The following C6orf118 variants were observed in gnomAD, a reference collection of about 807,000 sequenced individuals.
C6orf118 encodes the protein uncharacterized protein C6orf118.
Under a neutral mutation model 50.2 loss-of-function variants are expected in C6orf118, and 50 were observed. That is an observed-to-expected ratio of 1.00 (90% CI 0.79 to 1.26). The LOEUF (loss-of-function observed/expected upper bound fraction) is 1.26. Ranked by LOEUF, C6orf118 falls within the 50% of genes most tolerant of loss-of-function variation. The pLI, the probability that C6orf118 is intolerant of heterozygous loss-of-function variation, is 0.00. For missense variants in C6orf118, 641 were observed against 578.7 expected (o/e 1.11, Z -1.10); for synonymous variants, 239 against 230.9 (o/e 1.03, Z -0.32).
chr6:165,289,693 T>C (rs1227004183), intron 7 of C6orf118, among the ~76,000 whole-genome samples, 193 bp downstream of exon 7: 4 of 152,154 alleles, frequency 2.6e-5, no homozygotes, highest in Admixed American at 1.3e-4. Flanking sequence ...TTTTTATCAC[T>C]TTCCTTTTTT....
In C6orf118 at chr6:165,301,594, G is replaced by A. The variant is rs757080711; in HGVS notation, c.728C>T (p.Ala243Val). The change falls in exon 2 of 9, where the codon GCG (alanine) becomes GTG (valine). Residue 243 changes from alanine to valine, a missense_variant. By Grantham distance (64) the Ala-to-Val change is moderately conservative. Transcript: ENST00000230301. Reference sequence around the variant, plus strand: ...CTGCTGCAGCTTTCTCTCGTGGCCCGCGGCCGCCTTGCTCCCAGTGAAGTC... The same window carrying A: ...CTGCTGCAGCTTTCTCTCGTGGCCCACGGCCGCCTTGCTCCCAGTGAAGTC... ...KNDFTGSKAA[A>V]GHERKLQQEL... 2.5e-6 allele frequency: 4 copies of A among 1,613,262 alleles called. No homozygotes were observed. The highest frequency in any genetic ancestry group is 2.2e-5 in the South Asian group (2 of 91,024).
intron 4 of C6orf118, 95 bp from the exon 5 acceptor site, chr6:165,298,196 C>T (rs1780385399): frequency 2.1e-6 from 3 of 1,428,744 alleles, no homozygotes; most frequent in Non-Finnish European, 2.8e-6. Context: ...TCAAGGTGCC[C>T]TGGGTTAACA....
rs56394079 is a variant in C6orf118 at position 165,296,250 on chromosome 6, G to GT, written c.1061+1726dup. Among the ~76,000 whole-genome samples, 310 of 103,244 alleles carry GT rather than the reference G, an allele frequency of 3.0e-3. 16 individuals carry two copies. Among genetic ancestry groups the GT allele is most frequent in the African/African-American group, 4.1e-3 (126 of 30,766 alleles). The allele number at this position is 103,244 out of a possible 152,430, so 67.7% of individuals were successfully genotyped here. Reference sequence around the variant, plus strand: ...GTTGTTGTTGTTGTTTTCGTTTTTTGTTTTTTTTTTTTTTTTTTTTTTTTT... The same window carrying GT: ...GTTGTTGTTGTTGTTTTCGTTTTTTGTTTTTTTTTTTTTTTTTTTTTTTTTT... On this transcript the variant is annotated intron_variant, in intron 5 of 8. Transcript: ENST00000230301.
intron 5 of C6orf118, among the ~76,000 whole-genome samples, chr6:165,297,140 G>C (rs1232871318): frequency 2.0e-5 from 3 of 152,126 alleles, no homozygotes; most frequent in Non-Finnish European, 4.4e-5. Flanking sequence ...CAAATTGGAG[G>C]CCAGGTGTGG....
At chr6:165,298,315 T>A (rs1780389434) in intron 4 of C6orf118, among the ~76,000 whole-genome samples, 1 of 152,172 alleles carries the variant, frequency 6.6e-6, no homozygotes, top group South Asian at 2.1e-4. Flanking sequence ...TTTTTCAATA[T>A]GTTAAAAGTT....
chr6:165,305,016 T>G (rs1191922471), intron 1 of C6orf118, among the ~76,000 whole-genome samples: 2 of 78,950 alleles, frequency 2.5e-5, no homozygotes, highest in Non-Finnish European at 2.3e-5. Context: ...CATCACCAAG[T>G]CAATCCTAAG....
intron 7 of C6orf118, among the ~76,000 whole-genome samples, chr6:165,287,678 T>A (rs1779960587): frequency 6.6e-6 from 1 of 152,106 alleles, no homozygotes; most frequent in African/African-American, 2.4e-5. Flanking sequence ...AAACAAGCAA[T>A]GGGGAAAGGA....
chr6:165,280,615 T>TTGGCCCA (rs1406966269), intron 8 of C6orf118, among the ~76,000 whole-genome samples: 42 of 152,190 alleles, frequency 2.8e-4, no homozygotes, highest in Admixed American at 1.8e-3. Flanking sequence ...GAGAGTGACC[T>TTGGCCCA]TGGCCCATGG....
intron 8 of C6orf118, among the ~76,000 whole-genome samples, chr6:165,280,875 C>A (rs1341388933): frequency 6.6e-6 from 1 of 152,128 alleles, no homozygotes; most frequent in Non-Finnish European, 1.5e-5. Flanking sequence ...TCATTGAGCC[C>A]AAGCCACCTA....
chr6:165,300,378 A>G lies in C6orf118; in HGVS notation c.862T>C (p.Leu288=). 6.2e-7 allele frequency: 1 copy of G among 1,613,958 alleles called. No individual in the cohort carries two copies. ...ATGTTTCTTACCTTAACTTTTTTCA[A>G]GAGATCACCAAATATCAAAGAACTG... ...CNSSLIFGDL[L]KKVKDEYELY... Residue 288 remains leucine, a synonymous_variant, in exon 3 of 9, where the codon TTG becomes CTG. Coordinates refer to ENST00000230301, the MANE Select transcript of C6orf118 (RefSeq NM_144980.4).
At chr6:165,309,503 C>T (rs1780865082) in intron 1 of C6orf118, 59 bp downstream of exon 1, 2 of 1,602,678 alleles carry the variant, frequency 1.2e-6, no homozygotes, top group Admixed American at 1.7e-5. Context: ...GCCCATCCCT[C>T]CACAATTGAA....
intron 1 of C6orf118, among the ~76,000 whole-genome samples, 166 bp from the exon 2 acceptor site, chr6:165,302,462 C>T (rs923603209): frequency 1.8e-4 from 27 of 152,266 alleles, no homozygotes; most frequent in Admixed American, 4.6e-4. Context: ...CACCCGTGCC[C>T]GGCCCAGTGT....
In C6orf118 at chr6:165,279,937, A is replaced by C; in HGVS notation, c.*120T>G. On this transcript the variant is annotated 3_prime_UTR_variant, in exon 9 of 9. Coordinates refer to ENST00000230301, the MANE Select transcript of C6orf118 (RefSeq NM_144980.4). ...ATACATATACCACATTAATTTTACTAGAGATTAAAGCTGATGAAATGAAAT... is the reference window on the plus strand; with the variant it reads ...ATACATATACCACATTAATTTTACTCGAGATTAAAGCTGATGAAATGAAAT... The C allele has an allele frequency of 7.1e-4, 688 of 965,072 alleles. No individual in the cohort carries two copies. The highest frequency in any genetic ancestry group is 9.4e-4 in the Non-Finnish European group (622 of 661,216). The allele number at this position is 965,072 out of a possible 1,614,324, so 59.8% of individuals were successfully genotyped here. A position where few individuals can be genotyped will look rare whatever the true frequency, so the allele number is the denominator to read the frequency against.
At chr6:165,296,255 T>G (rs1186053258) in intron 5 of C6orf118, among the ~76,000 whole-genome samples, 2 of 62,478 alleles carry the variant, frequency 3.2e-5, no homozygotes, top group East Asian at 3.3e-4. Context: ...TTTTTGTTTT[T>G]TTTTTTTTTT....
chr6:165,286,449 A>T (rs564788849), intron 7 of C6orf118, among the ~76,000 whole-genome samples: 1 of 152,310 alleles, frequency 6.6e-6, no homozygotes, highest in African/African-American at 2.4e-5. Flanking sequence ...TCATCCTGGT[A>T]CCAAAACCTG....
rs767005722 is a variant in C6orf118 at position 165,299,464 on chromosome 6, G to A, written c.915C>T (p.Ser305=). 1 of 1,614,030 alleles carries A rather than the reference G, an allele frequency of 6.2e-7. No individual in the cohort carries two copies. Among genetic ancestry groups the A allele is most frequent in the Non-Finnish European group, 8.5e-7 (1 of 1,179,996 alleles). Residue 305 remains serine (S), a synonymous_variant, in exon 4 of 9, where the codon TCC becomes TCT. Coordinates refer to ENST00000230301, the MANE Select transcript of C6orf118 (RefSeq NM_144980.4). The part of the protein sequence containing the change: ...YELYMATLLE[S]QPAAQYEALL... Reference sequence around the variant, plus strand: ...TCACCTCGTACTGTGCTGCAGGCTGGGACTCCAGGAGCGTTGCCATGTAGA... The same window carrying A: ...TCACCTCGTACTGTGCTGCAGGCTGAGACTCCAGGAGCGTTGCCATGTAGA...
chr6:165,297,599 C>T (rs538128273), intron 5 of C6orf118, among the ~76,000 whole-genome samples: 254 of 151,902 alleles, frequency 1.7e-3, no homozygotes, highest in African/African-American at 5.9e-3. Context: ...AATTGTTATT[C>T]GACCCCGGAA....
intron 7 of C6orf118, among the ~76,000 whole-genome samples, chr6:165,285,618 T>C (rs1280549275): frequency 3.9e-5 from 6 of 152,020 alleles, no homozygotes; most frequent in African/African-American, 1.5e-4. Context: ...AACTCAAGAT[T>C]AAGAAACTCA....
At chr6:165,295,519 C>T (rs1015987762) in intron 5 of C6orf118, among the ~76,000 whole-genome samples, 1 of 152,146 alleles carries the variant, frequency 6.6e-6, no homozygotes. Context: ...TTTGTATAGA[C>T]AAAGATTGTT....
Sources: allele counts gnomAD v4.1 joint callset (sites outside exome capture counted in the v4.1 genomes callset), GRCh38; gene constraint gnomAD v4.1.1; transcripts MANE v1.5; gene names NCBI Gene and HGNC (gene_info 2026-07-23, HGNC 2026-07-21).